Variants in YEATS2 observed in about 807,000 individuals in gnomAD.
YEATS2 encodes the protein YEATS domain-containing protein 2.
YEATS2 carries 77 observed loss-of-function variants against 163.2 expected under a neutral mutation model. That is an observed-to-expected ratio of 0.47 (90% CI 0.39 to 0.57). The LOEUF (loss-of-function observed/expected upper bound fraction) is 0.57. Ranked by LOEUF, YEATS2 falls within the 20% of genes least tolerant of loss-of-function variation. The pLI is 0.00. For missense variants in YEATS2, 1,549 were observed against 1,729.8 expected (o/e 0.90, Z 1.85); for synonymous variants, 631 against 645.1 (o/e 0.98, Z 0.33).
chr3:183,727,496 G>A (rs1014646212), intron 6 of YEATS2, among the ~76,000 whole-genome samples: 2 of 151,998 alleles, frequency 1.3e-5, no homozygotes, highest in African/African-American at 4.8e-5. Flanking sequence ...ATCCCATCAG[G>A]GTTCATGACT....
chr3:183,804,640 C>A (rs570210185), intron 27 of YEATS2, among the ~76,000 whole-genome samples: 5 of 152,304 alleles, frequency 3.3e-5, no homozygotes, highest in Admixed American at 3.3e-4. Flanking sequence ...GTGCGGGAGG[C>A]ACTTGTGAAA....
At chr3:183,766,586 G>GC (rs962542769) in intron 15 of YEATS2, among the ~76,000 whole-genome samples, 14 of 152,210 alleles carry the variant, frequency 9.2e-5, no homozygotes, top group African/African-American at 3.4e-4. Flanking sequence ...TCTCAAGCTA[G>GC]CAGGAAATTA....
At position 183,790,788 on chromosome 3, in the gene YEATS2, G is replaced by T; in HGVS notation, c.2914-9G>T. The T allele has an allele frequency of 6.2e-7, 1 of 1,612,086 alleles. No homozygotes were observed. The highest frequency in any genetic ancestry group is 8.5e-7 in the Non-Finnish European group (1 of 1,178,384). On this transcript the variant is annotated splice_polypyrimidine_tract_variant and intron_variant, in intron 20 of 30. Coordinates refer to ENST00000305135, the MANE Select transcript of YEATS2 (RefSeq NM_018023.5). ...GAACTGTGTTGTTTCGGACCCCATGGGTGAGCAGTCTGAAGGAATGGCTCC... is the reference window on the plus strand; with the variant it reads ...GAACTGTGTTGTTTCGGACCCCATGTGTGAGCAGTCTGAAGGAATGGCTCC...
At chr3:183,721,141 T>A (rs1359323169) in intron 4 of YEATS2, among the ~76,000 whole-genome samples, 1 of 152,252 alleles carries the variant, frequency 6.6e-6, no homozygotes, top group Admixed American at 6.5e-5. Flanking sequence ...GGTATGCTTT[T>A]GTCTCGTGAT....
chr3:183,780,552 GC>G (rs1242203812), intron 19 of YEATS2, among the ~76,000 whole-genome samples: 2 of 152,124 alleles, frequency 1.3e-5, no homozygotes, highest in Non-Finnish European at 2.9e-5. Flanking sequence ...ATTTATTTAT[GC>G]CTTTTCTGGT....
chr3:183,742,899 C>T (rs184293800), intron 8 of YEATS2, among the ~76,000 whole-genome samples: 1 of 152,222 alleles, frequency 6.6e-6, no homozygotes, highest in Non-Finnish European at 1.5e-5. Context: ...AGCATCAAGG[C>T]AAGACCCTCC....
chr3:183,705,199 G>T (rs1162692044), intron 1 of YEATS2, among the ~76,000 whole-genome samples: 3 of 151,916 alleles, frequency 2.0e-5, no homozygotes, highest in Non-Finnish European at 4.4e-5. Context: ...ACAGGTGCTT[G>T]CCACTACTCC....
At position 183,727,167 on chromosome 3, in the gene YEATS2, C is replaced by T. The variant is rs189958110; in HGVS notation, c.651-1523C>T. ...TTTGATTGATGAATACATTGATATA[C>T]GTATGAAAGGAAAAAATAAACATAA... On this transcript the variant is annotated intron_variant, in intron 6 of 30. Coordinates refer to ENST00000305135, the MANE Select transcript of YEATS2 (RefSeq NM_018023.5). Among the ~76,000 whole-genome samples the T allele has an allele frequency of 8.6e-5, 13 of 151,614 alleles. No individual in the cohort carries two copies. The East Asian group carries it at 1.9e-3, about 23-fold the overall frequency.
Position 183,810,615 on chromosome 3 carries a change from T to C in YEATS2, c.*32T>C, listed in dbSNP as rs1471859413. On this transcript the variant is annotated 3_prime_UTR_variant, in exon 31 of 31. Transcript: ENST00000305135. The stretch of plus-strand genomic sequence containing the variant: ...TGAGGTGCCCTGGAGAAGCAGGCTT[T>C]GAAGGCACAGCGAAGCTGTAACTGA... 15 of 1,596,058 alleles carry C rather than the reference T, an allele frequency of 9.4e-6. No homozygotes were observed. The highest frequency in any genetic ancestry group is 1.0e-5 in the Non-Finnish European group (12 of 1,164,736).
In YEATS2 at chr3:183,762,093, C is replaced by T. The variant is rs1167227906; in HGVS notation, c.1765-4C>T. ...TTATTCAGTGTCATTATGTTTGTTG[C>T]AAGGTGATCATCAAACAGGAACCTG... is the stretch of plus-strand genomic sequence containing the variant. On this transcript the variant is annotated splice_region_variant and splice_polypyrimidine_tract_variant and intron_variant, in intron 14 of 30. Coordinates refer to ENST00000305135, the MANE Select transcript of YEATS2 (RefSeq NM_018023.5). The T allele has an allele frequency of 1.2e-6, 2 of 1,614,026 alleles. No individual in the cohort carries two copies. The highest frequency in any genetic ancestry group is 1.7e-5 in the Admixed American group (1 of 60,012).
chr3:183,753,812 T>G (rs1720434076), intron 10 of YEATS2, among the ~76,000 whole-genome samples: 1 of 152,212 alleles, frequency 6.6e-6, no homozygotes, highest in Admixed American at 6.5e-5. Context: ...CTAAGATTTT[T>G]TCTTCTCTAA....
intron 1 of YEATS2, among the ~76,000 whole-genome samples, chr3:183,711,456 G>A (rs1159069496): frequency 7.0e-6 from 1 of 142,640 alleles, no homozygotes; most frequent in East Asian, 2.0e-4. Flanking sequence ...CTGGGAGACA[G>A]CGAGACTCTG....
At chr3:183,765,039 T>G (rs950371294) in intron 15 of YEATS2, among the ~76,000 whole-genome samples, 1 of 152,178 alleles carries the variant, frequency 6.6e-6, no homozygotes, top group Admixed American at 6.6e-5. Context: ...ATCATGGTGC[T>G]ACAGCATCTC....
chr3:183,723,907 G>T (rs1403107943), intron 5 of YEATS2, among the ~76,000 whole-genome samples: 1 of 152,100 alleles, frequency 6.6e-6, no homozygotes, highest in Non-Finnish European at 1.5e-5. Context: ...GCGAGATTCT[G>T]TCTCAAAAAA....
intron 7 of YEATS2, 35 bp downstream of exon 7, chr3:183,728,886 A>G (rs2109103516): frequency 1.3e-6 from 2 of 1,562,630 alleles, no homozygotes; most frequent in Non-Finnish European, 1.7e-6. Context: ...CTAAATTGAA[A>G]TGCAGACTTA....
intron 30 of YEATS2, chr3:183,809,512 A>G (rs1033990483): frequency 1.7e-5 from 3 of 176,072 alleles, no homozygotes; most frequent in Non-Finnish European, 2.4e-5. Context: ...CGTTGCATAT[A>G]TTACCTAATT....
chr3:183,708,498 C>T (rs1159661369), intron 1 of YEATS2, among the ~76,000 whole-genome samples: 1 of 152,116 alleles, frequency 6.6e-6, no homozygotes, highest in East Asian at 1.9e-4. Flanking sequence ...ATTACATCAT[C>T]TTTATGGTTT....
At chr3:183,802,549 A>C (rs1199338822) in intron 25 of YEATS2, 2 of 65,692 alleles carry the variant, frequency 3.0e-5, no homozygotes, top group South Asian at 1.2e-3. Flanking sequence ...ATACACACAC[A>C]CATATTTTTC....
chr3:183,752,490 A>G (rs1398792307), intron 10 of YEATS2, among the ~76,000 whole-genome samples: 1 of 152,088 alleles, frequency 6.6e-6, no homozygotes. Flanking sequence ...CGGGTGGATC[A>G]TGAGGTCAGG....
Sources: gnomAD v4.1 joint callset for allele counts (sites outside exome capture counted in the v4.1 genomes callset) on GRCh38, gnomAD v4.1.1 for gene constraint, MANE v1.5 for transcripts, NCBI Gene and HGNC (gene_info 2026-07-23, HGNC 2026-07-21) for gene names.